Variants in PAFAH1B2 observed in about 807,000 individuals in gnomAD.
The protein encoded by PAFAH1B2 is platelet-activating factor acetylhydrolase IB subunit alpha2.
In PAFAH1B2, 8 loss-of-function variants were observed where a neutral mutation model predicts 28.0. The ratio of observed to expected loss-of-function variants is 0.29; its 90% confidence interval spans 0.17 to 0.52. The LOEUF (loss-of-function observed/expected upper bound fraction) is 0.52, where lower values mean the gene tolerates loss of function less well. Ranked by LOEUF, PAFAH1B2 falls within the 20% of genes least tolerant of loss-of-function variation. PAFAH1B2 has a pLI of 0.97. For missense variants in PAFAH1B2, 190 were observed against 282.6 expected, an observed-to-expected ratio of 0.67 and a Z score of 2.35; for synonymous variants, 104 against 103.2, an observed-to-expected ratio of 1.01 and a Z score of -0.05.
At chr11:117,157,348 C>A (rs1304333709) in intron 2 of PAFAH1B2, among the ~76,000 whole-genome samples, 1 of 151,686 alleles carries the variant, frequency 6.6e-6, no homozygotes, top group Non-Finnish European at 1.5e-5. Context: ...TGCCATGTTG[C>A]CCAGGCTGGT....
At chr11:117,171,727 A>G (rs762888858), downstream of PAFAH1B2, 10 of 1,535,920 alleles carry the variant, frequency 6.5e-6, no homozygotes, top group Admixed American at 2.0e-5. Flanking sequence ...ACCAGCAACT[A>G]CCAGGCCAGC....
At position 117,150,880 on chromosome 11, in the gene PAFAH1B2, T is replaced by C. The variant is rs536080130; in HGVS notation, c.-7-1561T>C. 2.6e-5 allele frequency among the ~76,000 whole-genome samples: 4 copies of C among 151,392 alleles called. No homozygotes were observed. In the East Asian group the frequency reaches 7.9e-4, roughly 30 times the overall value. On this transcript the variant is annotated intron_variant, in intron 1 of 5. Transcript: ENST00000527958. Reference sequence around the variant, plus strand: ...GCGGGCGCTTGTAGTCCCAGCTACTTGGGAGGCTGAGGCAGGAGAATGGCG... The same window carrying C: ...GCGGGCGCTTGTAGTCCCAGCTACTCGGGAGGCTGAGGCAGGAGAATGGCG...
rs561684439 is a variant in PAFAH1B2 at position 117,160,648 on chromosome 11, G to A, written c.172-497G>A. 3.3e-5 allele frequency among the ~76,000 whole-genome samples: 5 copies of A among 152,228 alleles called. No individual in the cohort carries two copies. In the East Asian group the frequency reaches 9.6e-4, roughly 29 times the overall value. The stretch of plus-strand genomic sequence containing the variant: ...ATTTTTGTATTTTTAGTGGAGACGG[G>A]GTTTCACTATGTTGGCCAGGCTGGT... On this transcript the variant is annotated intron_variant, in intron 3 of 5. Coordinates refer to ENST00000527958, the MANE Select transcript of PAFAH1B2 (RefSeq NM_002572.4).
At chr11:117,175,601 A>C, downstream of PAFAH1B2, 2 of 1,192,652 alleles carry the variant, frequency 1.7e-6, no homozygotes, top group Non-Finnish European at 2.1e-6. Context: ...GTGATAGTCC[A>C]CAGTTGTTTG....
intron 1 of PAFAH1B2, among the ~76,000 whole-genome samples, chr11:117,148,018 A>T (rs1311745663): frequency 6.6e-6 from 1 of 151,952 alleles, no homozygotes; most frequent in Admixed American, 6.6e-5. Flanking sequence ...ACAACTTAGT[A>T]AATTAGAATT....
chr11:117,154,115 A>G (rs1484200831), intron 2 of PAFAH1B2, among the ~76,000 whole-genome samples: 1 of 64,578 alleles, frequency 1.5e-5, no homozygotes, highest in African/African-American at 4.4e-5. Flanking sequence ...CCTTATCTCA[A>G]AAAGAAAAAA....
chr11:117,171,352 T>G (rs1466215052), downstream of PAFAH1B2, among the ~76,000 whole-genome samples: 1 of 152,192 alleles, frequency 6.6e-6, no homozygotes, highest in African/African-American at 2.4e-5. Flanking sequence ...GACCACCTCA[T>G]CTGAACTGGG....
rs1956546910 is a variant in PAFAH1B2 at position 117,167,803 on chromosome 11, G to A, written c.*104G>A. 1 of 1,315,934 alleles carries A rather than the reference G, an allele frequency of 7.6e-7. No individual in the cohort carries two copies. The highest frequency in any genetic ancestry group is 1.5e-5 in the African/African-American group (1 of 66,904). 81.5% of individuals were successfully genotyped at this position (1,315,934 alleles called of 1,614,324 possible). ...CTTAAGGCACTTTGCATTGTAGAATGTTCCTGGATGTTCATATCTAGTGTT... is the reference window on the plus strand; with the variant it reads ...CTTAAGGCACTTTGCATTGTAGAATATTCCTGGATGTTCATATCTAGTGTT... On this transcript the variant is annotated 3_prime_UTR_variant, in exon 6 of 6. Transcript: ENST00000527958.
chr11:117,170,987 T>C lies in PAFAH1B2; in HGVS notation c.*3288T>C. On this transcript the variant is annotated 3_prime_UTR_variant, in exon 6 of 6. Transcript: ENST00000527958. ...TTTGCTTTGGCAAAGTTTCATTGAC[T>C]AGTAGAACTCATTCTGTTTTAGTGT... The C allele has an allele frequency of 9.5e-7, 1 of 1,048,298 alleles. No individual in the cohort carries two copies. The highest frequency in any genetic ancestry group is 1.2e-6 in the Non-Finnish European group (1 of 868,492). The allele number at this position is 1,048,298 out of a possible 1,614,324, so 64.9% of individuals were successfully genotyped here.
At position 117,164,189 on chromosome 11, in the gene PAFAH1B2, C is replaced by T. The variant is rs144238755; in HGVS notation, c.411+297C>T. ...TTGGGAGGCCAAGGTGGGCGGATCA[C>T]GAGGTCAGGAGATCAAGTCCATCCT... is the stretch of plus-strand genomic sequence containing the variant. On this transcript the variant is annotated intron_variant, in intron 5 of 5. Transcript: ENST00000527958. 9.3e-3 allele frequency: 1,832 copies of T among 197,454 alleles called. 38 individuals are homozygous for T. Among genetic ancestry groups the T allele is most frequent in the African/African-American group, 0.041 (1,744 of 42,822 alleles). 12.2% of individuals were successfully genotyped at this position (197,454 alleles called of 1,614,324 possible). A position where few individuals can be genotyped will look rare whatever the true frequency, so the allele number is the denominator to read the frequency against.
At chr11:117,177,356 T>TA (rs1214709511), downstream of PAFAH1B2, among the ~76,000 whole-genome samples, 2 of 152,226 alleles carry the variant, frequency 1.3e-5, no homozygotes, top group African/African-American at 4.8e-5. Context: ...TTTTTAGAAT[T>TA]AAAGGAAAAT....
downstream of PAFAH1B2, chr11:117,175,407 A>G (rs1180413837): frequency 9.3e-7 from 1 of 1,072,138 alleles, no homozygotes; most frequent in Non-Finnish European, 1.1e-6. Flanking sequence ...GACTGAGGAA[A>G]GTTCTGCAGA....
chr11:117,177,054 A>G (rs999855686), downstream of PAFAH1B2, among the ~76,000 whole-genome samples: 3 of 151,948 alleles, frequency 2.0e-5, no homozygotes, highest in African/African-American at 7.3e-5. Context: ...CCAAAAATAC[A>G]AAAATTAGCT....
At chr11:117,156,030 G>GA (rs1268390480) in intron 2 of PAFAH1B2, among the ~76,000 whole-genome samples, 3 of 151,436 alleles carry the variant, frequency 2.0e-5, no homozygotes, top group African/African-American at 7.3e-5. Context: ...ACAAAAAATA[G>GA]AAAAAAAAAT....
intron 5 of PAFAH1B2, among the ~76,000 whole-genome samples, chr11:117,164,818 A>G (rs1956465158): frequency 6.6e-6 from 1 of 151,772 alleles, no homozygotes; most frequent in African/African-American, 2.4e-5. Context: ...GGTGGATCAC[A>G]AGGTCAGGAT....
chr11:117,173,424 C>T (rs1386682207), downstream of PAFAH1B2, among the ~76,000 whole-genome samples: 1 of 152,206 alleles, frequency 6.6e-6, no homozygotes, highest in Non-Finnish European at 1.5e-5. Context: ...CAAGTCCAGA[C>T]AAGGCTCCCA....
At chr11:117,176,118 A>C in exon 6 of PAFAH1B2, 5 of 610,544 alleles carry the variant, frequency 8.2e-6, no homozygotes, top group Middle Eastern at 2.5e-4. Context: ...GAGTCTAGTG[A>C]GGTACTAATG....
At chr11:117,172,699 G>C (rs1026055994), downstream of PAFAH1B2, among the ~76,000 whole-genome samples, 3 of 151,988 alleles carry the variant, frequency 2.0e-5, no homozygotes, top group South Asian at 6.2e-4. Flanking sequence ...TGCTGGTCTA[G>C]CTCCTACTCT....
chr11:117,154,467 G>GA (rs2134182732), intron 2 of PAFAH1B2, among the ~76,000 whole-genome samples: 1 of 147,934 alleles, frequency 6.8e-6, no homozygotes, highest in Admixed American at 6.7e-5. Context: ...AAGCATGCTG[G>GA]AGTGCAGTGG....
Sources: gnomAD v4.1 joint callset for allele counts (sites outside exome capture counted in the v4.1 genomes callset) on GRCh38, gnomAD v4.1.1 for gene constraint, MANE v1.5 for transcripts, NCBI Gene and HGNC (gene_info 2026-07-23, HGNC 2026-07-21) for gene names.